The following DCC variants were observed in gnomAD, a reference collection of about 807,000 sequenced individuals.
The protein encoded by DCC is netrin receptor DCC.
A neutral mutation model predicts 172.5 loss-of-function variants in DCC; 58 were observed. The ratio of observed to expected loss-of-function variants is 0.34; its 90% CI spans 0.27 to 0.42. DCC has a LOEUF of 0.42. Among genes scored for constraint, DCC ranks in the 10% least tolerant of loss-of-function variants. The pLI is 1.00. For synonymous variants in DCC, 709 were observed against 644.5 expected (o/e 1.10, Z -1.52); for missense variants, 1,740 against 1,791.0 (o/e 0.97, Z 0.51).
intron 1 of DCC, among the ~76,000 whole-genome samples, chr18:52,494,011 G>C (rs1177011957): frequency 6.6e-6 from 1 of 151,900 alleles, no homozygotes. Flanking sequence ...TTCCTTCAGT[G>C]CAGGTTTGTT....
At chr18:53,080,950 T>C (rs2042791712) in intron 7 of DCC, among the ~76,000 whole-genome samples, 1 of 152,104 alleles carries the variant, frequency 6.6e-6, no homozygotes, top group African/African-American at 2.4e-5. Flanking sequence ...GGACATATTT[T>C]ACCCAGCTTT....
intron 2 of DCC, among the ~76,000 whole-genome samples, chr18:52,828,161 T>C (rs1036952940): frequency 3.9e-5 from 6 of 152,176 alleles, no homozygotes; most frequent in African/African-American, 1.4e-4. Context: ...GTTCATACTC[T>C]ACATACTACG....
chr18:52,401,729 A>G (rs1446439420), intron 1 of DCC, among the ~76,000 whole-genome samples: 4 of 152,012 alleles, frequency 2.6e-5, no homozygotes, highest in Admixed American at 2.6e-4. Flanking sequence ...CAAAAGTGAG[A>G]TTTACTAGGA....
intron 3 of DCC, among the ~76,000 whole-genome samples, chr18:52,914,215 T>C (rs943672391): frequency 2.4e-5 from 3 of 124,800 alleles, no homozygotes; most frequent in Non-Finnish European, 5.7e-5. Flanking sequence ...AAAAAAAATC[T>C]AAAAATAAAA....
chr18:52,812,702 A>C (rs1011540687), intron 2 of DCC, among the ~76,000 whole-genome samples: 22 of 152,238 alleles, frequency 1.4e-4, no homozygotes, highest in Admixed American at 1.0e-3. Context: ...TTAAGAATTT[A>C]CATTTAATTA....
chr18:52,982,094 C>A (rs1013240528), intron 5 of DCC, among the ~76,000 whole-genome samples: 15 of 152,088 alleles, frequency 9.9e-5, no homozygotes, highest in Non-Finnish European at 2.1e-4. Context: ...TTGCTAAGGA[C>A]TTTGGACTCA....
At chr18:52,483,184 G>A (rs2030040652) in intron 1 of DCC, among the ~76,000 whole-genome samples, 1 of 151,936 alleles carries the variant, frequency 6.6e-6, no homozygotes, top group African/African-American at 2.4e-5. Flanking sequence ...GTGTGTCATT[G>A]GATTTAGGGT....
chr18:53,312,305 C>CACT (rs2057281707), intron 13 of DCC, among the ~76,000 whole-genome samples: 1 of 139,778 alleles, frequency 7.2e-6, no homozygotes, highest in Non-Finnish European at 1.5e-5. Flanking sequence ...TGCGCCACTG[C>CACT]CCTCCAGCCT....
intron 2 of DCC, among the ~76,000 whole-genome samples, chr18:52,806,848 C>A (rs1015266524): frequency 1.3e-5 from 2 of 152,078 alleles, no homozygotes; most frequent in African/African-American, 4.8e-5. Flanking sequence ...CCAGTCTTAG[C>A]CAGTTTGGTC....
Position 53,450,739 on chromosome 18 carries a change from G to C in DCC, c.3392+77G>C, listed in dbSNP as rs538701757. ...ATATTTTTGATGGTCCTCTTTCTGC[G>C]TTCTTTCATAATTCACCCCATGTCC... On this transcript the variant is annotated intron_variant, in intron 23 of 28. Transcript: ENST00000442544. 4.1e-6 allele frequency: 5 copies of C among 1,217,396 alleles called. No homozygotes were observed. In the East Asian group the frequency reaches 1.2e-4, roughly 29 times the overall value. The allele number at this position is 1,217,396 out of a possible 1,614,324, so 75.4% of individuals were successfully genotyped here.
intron 5 of DCC, among the ~76,000 whole-genome samples, chr18:52,972,204 A>G (rs1341407158): frequency 1.3e-5 from 2 of 152,218 alleles, no homozygotes; most frequent in Non-Finnish European, 2.9e-5. Flanking sequence ...TTCAAATTCT[A>G]AACATAGGCT....
intron 5 of DCC, among the ~76,000 whole-genome samples, chr18:53,048,109 A>C (rs1300987873): frequency 6.6e-6 from 1 of 151,810 alleles, no homozygotes; most frequent in Non-Finnish European, 1.5e-5. Flanking sequence ...CTGAGTCTCT[A>C]TTTGTTGATG....
intron 9 of DCC, among the ~76,000 whole-genome samples, chr18:53,184,794 T>C (rs2055254674): frequency 6.6e-6 from 1 of 152,164 alleles, no homozygotes; most frequent in Admixed American, 6.5e-5. Context: ...CATTGGTTGG[T>C]TGATGCTGGT....
chr18:53,272,208 A>T (rs905995824), intron 12 of DCC, among the ~76,000 whole-genome samples: 1 of 152,172 alleles, frequency 6.6e-6, no homozygotes, highest in Non-Finnish European at 1.5e-5. Flanking sequence ...AGTTAATCAG[A>T]TGGAGTATTG....
chr18:52,352,493 C>T (rs2144247746), intron 1 of DCC, among the ~76,000 whole-genome samples: 1 of 152,300 alleles, frequency 6.6e-6, no homozygotes, highest in South Asian at 2.1e-4. Flanking sequence ...AACTTGGCAG[C>T]GTATGACACA....
At chr18:53,008,781 G>GA (rs34759734) in intron 5 of DCC, among the ~76,000 whole-genome samples, 1 of 151,800 alleles carries the variant, frequency 6.6e-6, no homozygotes, top group Non-Finnish European at 1.5e-5. Context: ...TATCAGTACT[G>GA]AAAAAAGGTA....
intron 1 of DCC, among the ~76,000 whole-genome samples, chr18:52,513,808 C>T (rs1460561012): frequency 1.3e-5 from 2 of 152,150 alleles, no homozygotes; most frequent in East Asian, 1.9e-4. Flanking sequence ...TCACATTCAA[C>T]AGATGTCCAG....
rs1354246828 is a variant in DCC at position 52,765,895 on chromosome 18, A to T, written c.412+13521A>T. 2.0e-5 allele frequency among the ~76,000 whole-genome samples: 3 copies of T among 152,198 alleles called. No homozygotes were observed. The East Asian group carries it at 5.8e-4, about 29-fold the overall frequency. Reference sequence around the variant, plus strand: ...TTTTTCATGTATTAATGGCTATGAGATAGTGTCTATCTTCTATGCTTATTG... The same window carrying T: ...TTTTTCATGTATTAATGGCTATGAGTTAGTGTCTATCTTCTATGCTTATTG... On this transcript the variant is annotated intron_variant, in intron 2 of 28. Coordinates refer to ENST00000442544, the MANE Select transcript of DCC (RefSeq NM_005215.4).
intron 7 of DCC, among the ~76,000 whole-genome samples, chr18:53,108,059 C>G (rs1412785797): frequency 6.6e-6 from 1 of 151,616 alleles, no homozygotes; most frequent in East Asian, 1.9e-4. Flanking sequence ...ACGTATTTTT[C>G]AGAAATTTAG....
Sources: allele counts gnomAD v4.1 joint callset (sites outside exome capture counted in the v4.1 genomes callset), GRCh38; gene constraint gnomAD v4.1.1; transcripts MANE v1.5; gene names NCBI Gene and HGNC (gene_info 2026-07-23, HGNC 2026-07-21).